ATP9B: variants seen among roughly 807,000 people sequenced by gnomAD.
The protein encoded by ATP9B is probable phospholipid-transporting ATPase IIB.
Under a neutral mutation model 146.1 loss-of-function variants are expected in ATP9B, and 110 were observed. The observed-to-expected ratio is 0.75, with a 90% CI of 0.65 to 0.88. ATP9B has a LOEUF of 0.88. ATP9B is among the 40% of genes least tolerant of loss of function. The probability of loss-of-function intolerance (pLI) is 0.00; values close to 1 mark genes in which losing one functional copy is unlikely to be tolerated. For missense variants in ATP9B, 1,499 were observed against 1,496.4 expected, an observed-to-expected ratio of 1.00 and a Z score of -0.03; for synonymous variants, 604 against 569.7, an observed-to-expected ratio of 1.06 and a Z score of -0.86.
At chr18:79,356,314 T>C (rs2096952649) in intron 25 of ATP9B, among the ~76,000 whole-genome samples, 1 of 151,672 alleles carries the variant, frequency 6.6e-6, no homozygotes, top group South Asian at 2.1e-4. Flanking sequence ...CCTGAGCGTT[T>C]ATACCCTCTC....
chr18:79,283,829 ATCT>A (rs1172508510), intron 13 of ATP9B, among the ~76,000 whole-genome samples: 2 of 152,212 alleles, frequency 1.3e-5, no homozygotes, highest in Middle Eastern at 3.2e-3. Context: ...GAGAACTTTA[ATCT>A]TCTCACTGGT....
intron 1 of ATP9B, among the ~76,000 whole-genome samples, chr18:79,083,056 A>G (rs2073431316): frequency 6.6e-6 from 1 of 152,206 alleles, no homozygotes; most frequent in African/African-American, 2.4e-5. Context: ...AGTTTTATCT[A>G]TAAGCCCCTG....
intron 9 of ATP9B, chr18:79,194,519 A>G (rs974838758): frequency 6.6e-6 from 1 of 152,226 alleles, no homozygotes; most frequent in African/African-American, 2.4e-5. Context: ...GGCGTATTGG[A>G]CTAGAAAGGT....
At chr18:79,075,768 A>AT (rs2072535546) in intron 1 of ATP9B, among the ~76,000 whole-genome samples, 1 of 151,358 alleles carries the variant, frequency 6.6e-6, no homozygotes, top group Admixed American at 6.6e-5. Context: ...CTTTGGATTG[A>AT]TATATTTAGA....
chr18:79,249,885 G>A (rs2096006191), intron 11 of ATP9B, among the ~76,000 whole-genome samples: 1 of 152,218 alleles, frequency 6.6e-6, no homozygotes, highest in Admixed American at 6.5e-5. Flanking sequence ...TACACTATAT[G>A]CTGTAGTTTG....
intron 11 of ATP9B, among the ~76,000 whole-genome samples, chr18:79,252,728 A>C (rs2096039318): frequency 6.6e-6 from 1 of 151,910 alleles, no homozygotes; most frequent in African/African-American, 2.4e-5. Flanking sequence ...AGCGTGCCTT[A>C]CTGGGAGAAC....
At chr18:79,155,998 G>A (rs1277063110) in intron 7 of ATP9B, among the ~76,000 whole-genome samples, 2 of 152,018 alleles carry the variant, frequency 1.3e-5, no homozygotes, top group African/African-American at 2.4e-5. Context: ...TCCTGACCTT[G>A]TGATCCACCC....
chr18:79,095,078 C>A (rs1451679157), intron 1 of ATP9B, among the ~76,000 whole-genome samples: 1 of 152,176 alleles, frequency 6.6e-6, no homozygotes, highest in African/African-American at 2.4e-5. Context: ...CAATACTGAC[C>A]TATCTCTAAA....
At chr18:79,075,225 C>T (rs1189502034) in intron 1 of ATP9B, among the ~76,000 whole-genome samples, 2 of 152,180 alleles carry the variant, frequency 1.3e-5, no homozygotes, top group African/African-American at 4.8e-5. Context: ...TACAGGCGCT[C>T]ACTACAGCCT....
At chr18:79,264,009 C>T (rs919128720) in intron 12 of ATP9B, among the ~76,000 whole-genome samples, 7 of 152,054 alleles carry the variant, frequency 4.6e-5, no homozygotes, top group Admixed American at 6.5e-5. Context: ...GGCGTCAACC[C>T]GGAAGGCGGA....
chr18:79,082,535 C>T (rs577342068), intron 1 of ATP9B, among the ~76,000 whole-genome samples: 39 of 152,306 alleles, frequency 2.6e-4, no homozygotes, highest in African/African-American at 6.0e-4. Flanking sequence ...TCCTTATCTT[C>T]GTGGATTTAT....
At chr18:79,335,127 C>T (rs911978926) in intron 17 of ATP9B, among the ~76,000 whole-genome samples, 15 of 152,204 alleles carry the variant, frequency 9.9e-5, no homozygotes, top group Admixed American at 2.0e-4. Flanking sequence ...TGGCTTCTGC[C>T]GCTCTGCCAG....
intron 11 of ATP9B, among the ~76,000 whole-genome samples, chr18:79,231,307 A>C (rs1213439496): frequency 2.0e-5 from 3 of 152,168 alleles, no homozygotes. Context: ...AAAAAAAAAC[A>C]AACAGTCCCA....
chr18:79,124,158 T>C (rs566140500), intron 4 of ATP9B, among the ~76,000 whole-genome samples: 2 of 147,332 alleles, frequency 1.4e-5, no homozygotes, highest in East Asian at 1.9e-4. Context: ...GGCAAACTCA[T>C]AGAGACAGAA....
At chr18:79,131,125 C>T (rs1489129127) in intron 5 of ATP9B, among the ~76,000 whole-genome samples, 1 of 152,064 alleles carries the variant, frequency 6.6e-6, no homozygotes, top group African/African-American at 2.4e-5. Context: ...CGTGCCACTG[C>T]ACTCCAGCCT....
chr18:79,217,643 C>G (rs1412075081), intron 11 of ATP9B, among the ~76,000 whole-genome samples: 1 of 152,170 alleles, frequency 6.6e-6, no homozygotes, highest in Admixed American at 6.5e-5. Context: ...GTAATTTATC[C>G]AGGGGAAGCC....
chr18:79,261,218 G>A (rs1048176448), intron 12 of ATP9B, among the ~76,000 whole-genome samples: 1 of 152,176 alleles, frequency 6.6e-6, no homozygotes, highest in Non-Finnish European at 1.5e-5. Flanking sequence ...GTGTAAATTT[G>A]CGAGTGCTAG....
chr18:79,266,415 G>A (rs529635355), intron 12 of ATP9B, among the ~76,000 whole-genome samples: 206 of 119,744 alleles, frequency 1.7e-3, no homozygotes, highest in African/African-American at 5.9e-3. Context: ...AATAATAACA[G>A]CTTTTTTTTG....
intron 1 of ATP9B, among the ~76,000 whole-genome samples, chr18:79,078,866 G>A (rs2072929222): frequency 6.6e-6 from 1 of 152,080 alleles, no homozygotes; most frequent in Admixed American, 6.5e-5. Flanking sequence ...CTGTGTCCAT[G>A]TGTTCTCATT....
Sources: allele counts gnomAD v4.1 joint callset (sites outside exome capture counted in the v4.1 genomes callset), GRCh38; gene constraint gnomAD v4.1.1; transcripts MANE v1.5; gene names NCBI Gene and HGNC (gene_info 2026-07-23, HGNC 2026-07-21).